DGKI: variants seen among roughly 807,000 people sequenced by gnomAD.
The protein encoded by DGKI is DAG kinase iota.
In DGKI, 55 loss-of-function variants were observed where a neutral mutation model predicts 147.5. The observed-to-expected ratio is 0.37, with a 90% CI of 0.30 to 0.47. The LOEUF (loss-of-function observed/expected upper bound fraction) is 0.47, where lower values mean the gene tolerates loss of function less well. Ranked by LOEUF, DGKI falls within the 20% of genes least tolerant of loss-of-function variation. The probability of loss-of-function intolerance (pLI) is 1.00; values close to 1 mark genes in which losing one functional copy is unlikely to be tolerated. For missense variants in DGKI, 1,007 were observed against 1,323.8 expected (o/e 0.76, Z 3.71); for synonymous variants, 469 against 477.1 (o/e 0.98, Z 0.22).
At position 137,409,886 on chromosome 7, in the gene DGKI, G is replaced by C. The variant is rs372299343; in HGVS notation, c.2800-1891C>G. 2.1e-4 allele frequency among the ~76,000 whole-genome samples: 31 copies of C among 149,574 alleles called. No individual in the cohort carries two copies. The East Asian group carries it at 3.1e-3, about 15-fold the overall frequency. On this transcript the variant is annotated intron_variant, in intron 29 of 32. Coordinates refer to ENST00000614521, the MANE Select transcript of DGKI (RefSeq NM_001321708.2). ...CTAGTCTCTATCTCTCGCTCTCTTT[G>C]TCTCTCTCTCTCTCTCTCTTTCTCT...
At position 137,386,265 on chromosome 7, in the gene DGKI, A is replaced by G. The variant is rs776415209; in HGVS notation, c.*4955T>C. The G allele has an allele frequency of 6.6e-6, 1 of 152,052 alleles. No individual in the cohort carries two copies. Among genetic ancestry groups the G allele is most frequent in the Non-Finnish European group, 1.5e-5 (1 of 68,008 alleles). The allele number at this position is 152,052 out of a possible 1,614,324, so 9.4% of individuals were successfully genotyped here. ...CTTGGTTCTTATTTTCAGGTTTCTC[A>G]TTAAGCTGTGAGGAGACAGTGTAAA... On this transcript the variant is annotated 3_prime_UTR_variant, in exon 33 of 33. Transcript: ENST00000614521.
chr7:137,397,354 A>G, intron 31 of DGKI, 23 bp downstream of exon 31: 3 of 1,609,842 alleles, frequency 1.9e-6, no homozygotes, highest in Middle Eastern at 1.7e-4. Context: ...AACCTAGACT[A>G]TGTAATAAAA....
intron 7 of DGKI, 125 bp downstream of exon 7, chr7:137,623,358 T>C (rs1013132472): frequency 4.6e-6 from 4 of 865,004 alleles, no homozygotes; most frequent in Non-Finnish European, 3.8e-6. Context: ...CCAAGGATCC[T>C]ATATGAGAAA....
chr7:137,480,773 A>G (rs888036155), intron 23 of DGKI, among the ~76,000 whole-genome samples: 1 of 152,144 alleles, frequency 6.6e-6, no homozygotes, highest in African/African-American at 2.4e-5. Context: ...ACTACAGGTG[A>G]ATCCTATGGT....
chr7:137,389,914 A>G lies in DGKI; in HGVS notation c.*1306T>C, dbSNP rs1305548027. 1 of 152,220 alleles carries G rather than the reference A, an allele frequency of 6.6e-6. No individual in the cohort carries two copies. The highest frequency in any genetic ancestry group is 1.5e-5 in the Non-Finnish European group (1 of 68,038). The allele number at this position is 152,220 out of a possible 1,614,324, so 9.4% of individuals were successfully genotyped here. A position where few individuals can be genotyped will look rare whatever the true frequency, so the allele number is the denominator to read the frequency against. On this transcript the variant is annotated 3_prime_UTR_variant, in exon 33 of 33. Coordinates refer to ENST00000614521, the MANE Select transcript of DGKI (RefSeq NM_001321708.2). ...TGGGGTTATTAAGTACGACCTTTGGACCTGACAAATAATAGTTGAAGCATC... is the reference window on the plus strand; with the variant it reads ...TGGGGTTATTAAGTACGACCTTTGGGCCTGACAAATAATAGTTGAAGCATC...
intron 28 of DGKI, among the ~76,000 whole-genome samples, chr7:137,433,681 T>C (rs1813169909): frequency 6.6e-6 from 1 of 152,248 alleles, no homozygotes; most frequent in Admixed American, 6.5e-5. Flanking sequence ...TATCATAGAA[T>C]ATTACACAAA....
Position 137,618,151 on chromosome 7 carries a change from A to ATATTTTTTT in DGKI, c.993+1672_993+1673insAAAAAAATA. Among the ~76,000 whole-genome samples the ATATTTTTTT allele has an allele frequency of 6.7e-4, 7 of 10,452 alleles. 1 individual carries two copies. The highest frequency in any genetic ancestry group is 7.5e-4 in the African/African-American group (6 of 7,992). The allele number at this position is 10,452 out of a possible 152,430, so 6.9% of individuals were successfully genotyped here. ...ACTATATATATATATATATATATAT[A>ATATTTTTTT]TTTTTTTTTTTTTACTCTATCATTC... On this transcript the variant is annotated intron_variant, in intron 8 of 32. Coordinates refer to ENST00000614521, the MANE Select transcript of DGKI (RefSeq NM_001321708.2).
chr7:137,708,844 A>G (rs569520922), intron 1 of DGKI, among the ~76,000 whole-genome samples: 3 of 152,378 alleles, frequency 2.0e-5, no homozygotes, highest in African/African-American at 7.2e-5. Flanking sequence ...AGAGGAGGTG[A>G]CAGAAACAGG....
intron 1 of DGKI, among the ~76,000 whole-genome samples, chr7:137,742,768 G>C (rs1022646942): frequency 1.3e-5 from 2 of 152,112 alleles, no homozygotes; most frequent in African/African-American, 4.8e-5. Flanking sequence ...TGTGTGAGTG[G>C]GTTAACAGGC....
chr7:137,691,750 T>TCAATTACCA lies in DGKI; in HGVS notation c.402-1757_402-1749dup, dbSNP rs375040700. 2.2e-3 allele frequency among the ~76,000 whole-genome samples: 330 copies of TCAATTACCA among 149,060 alleles called. 1 individual carries two copies. The highest frequency in any genetic ancestry group is 7.8e-3 in the African/African-American group (316 of 40,684). On this transcript the variant is annotated intron_variant, in intron 1 of 32. Transcript: ENST00000614521. ...GAATCCAGGATTGTGCAACCATTAA[T>TCAATTACCA]CAATTACCAAGTATGTCAGAGAGCT...
In DGKI at chr7:137,639,149, C is replaced by T. The variant is rs138222190; in HGVS notation, c.804+6323G>A. On this transcript the variant is annotated intron_variant, in intron 6 of 32. Transcript: ENST00000614521. ...CATTTTGATAAAATGTTTTTACTTG[C>T]TAATATCTAGTTTATACTTCAATCA... 2.8e-3 allele frequency among the ~76,000 whole-genome samples: 427 copies of T among 152,190 alleles called. 3 individuals carry two copies. The highest frequency in any genetic ancestry group is 9.3e-3 in the African/African-American group (386 of 41,512).
At chr7:137,455,790 G>A (rs2351386) in intron 27 of DGKI, among the ~76,000 whole-genome samples, 107,545 of 151,870 alleles carry the variant, frequency 0.71, 40,627 homozygotes, top group Non-Finnish European at 0.84. Flanking sequence ...TGCCCGATAT[G>A]ACTCCCCAGC....
chr7:137,408,154 T>C (rs1812028261), intron 29 of DGKI, among the ~76,000 whole-genome samples, 159 bp from the exon 30 acceptor site: 1 of 152,212 alleles, frequency 6.6e-6, no homozygotes, highest in Non-Finnish European at 1.5e-5. Context: ...TCCTGGACTG[T>C]GTTATCACTC....
At chr7:137,754,337 G>A (rs1389216207) in intron 1 of DGKI, among the ~76,000 whole-genome samples, 1 of 152,124 alleles carries the variant, frequency 6.6e-6, no homozygotes, top group Non-Finnish European at 1.5e-5. Flanking sequence ...TAACAAAAAT[G>A]ACCTCCACTG....
intron 21 of DGKI, among the ~76,000 whole-genome samples, chr7:137,488,233 T>C (rs1305263944): frequency 6.6e-6 from 1 of 152,044 alleles, no homozygotes; most frequent in East Asian, 1.9e-4. Context: ...TGCTACCTGG[T>C]GGCCAATATC....
chr7:137,598,940 C>T lies in DGKI; in HGVS notation c.1250+883G>A, dbSNP rs911886134. 2.6e-5 allele frequency among the ~76,000 whole-genome samples: 4 copies of T among 152,122 alleles called. No individual in the cohort carries two copies. The South Asian group carries it at 6.2e-4, about 24-fold the overall frequency. ...AACTCAACTGGTGAAGAAATTCATA[C>T]GTTAAGAAAATAACAAATTAATTTT... On this transcript the variant is annotated intron_variant, in intron 11 of 32. Transcript: ENST00000614521.
At chr7:137,498,623 A>ATG (rs1816056857) in intron 21 of DGKI, among the ~76,000 whole-genome samples, 1 of 152,188 alleles carries the variant, frequency 6.6e-6, no homozygotes, top group South Asian at 2.1e-4. Context: ...AAGGAAGACA[A>ATG]TGAAACAAGA....
chr7:137,576,322 G>A (rs1818974382), intron 17 of DGKI, among the ~76,000 whole-genome samples: 1 of 152,038 alleles, frequency 6.6e-6, no homozygotes, highest in Admixed American at 6.6e-5. Context: ...ACAGGCATGA[G>A]CCACCGCGCC....
At chr7:137,554,288 G>T (rs1370583782) in intron 19 of DGKI, among the ~76,000 whole-genome samples, 1 of 152,072 alleles carries the variant, frequency 6.6e-6, no homozygotes. Flanking sequence ...GTCTCAGATT[G>T]GTCTAGGCTT....
Sources: allele counts gnomAD v4.1 joint callset (sites outside exome capture counted in the v4.1 genomes callset), GRCh38; gene constraint gnomAD v4.1.1; transcripts MANE v1.5; gene names NCBI Gene and HGNC (gene_info 2026-07-23, HGNC 2026-07-21).